Variants in SEC14L5 observed in about 807,000 individuals in gnomAD.
SEC14L5 encodes the protein SEC14 like lipid binding 5, also known as SEC14-like protein 5.
A neutral mutation model predicts 84.6 loss-of-function variants in SEC14L5; 96 were observed. The ratio of observed to expected loss-of-function variants is 1.13; its 90% CI spans 0.96 to 1.34. The LOEUF is 1.34. SEC14L5 is among the 40% of genes most tolerant of loss of function. The probability of loss-of-function intolerance (pLI) is 0.00; values close to 1 mark genes in which losing one functional copy is unlikely to be tolerated. For missense variants in SEC14L5, 1,224 were observed against 942.5 expected (o/e 1.30, Z -3.91); for synonymous variants, 546 against 383.4 (o/e 1.42, Z -4.95).
At chr16:5,002,978 A>C (rs1212646720) in intron 10 of SEC14L5, among the ~76,000 whole-genome samples, 1 of 152,240 alleles carries the variant, frequency 6.6e-6, no homozygotes, top group African/African-American at 2.4e-5. Flanking sequence ...AATAACTCCC[A>C]CACGCTTAGC....
At chr16:4,979,809 CCATCCCCTTCCCTG>C (rs1955397887) in intron 2 of SEC14L5, among the ~76,000 whole-genome samples, 1 of 152,176 alleles carries the variant, frequency 6.6e-6, no homozygotes, top group Admixed American at 6.5e-5. Context: ...CGAGGTCCCT[CCATCCCCTTCCCTG>C]CATCCCCTTC....
chr16:5,003,555 C>T lies in SEC14L5; in HGVS notation c.1284C>T (p.Phe428=). 2 of 1,533,206 alleles carry T rather than the reference C, an allele frequency of 1.3e-6. No individual in the cohort carries two copies. Among genetic ancestry groups the T allele is most frequent in the East Asian group, 2.6e-5 (1 of 39,110 alleles). 95.0% of individuals were successfully genotyped at this position (1,533,206 alleles called of 1,614,324 possible). The part of the protein sequence containing the change: ...RLLIVRAPRV[F]PVLWTLISPF... ...TCATCGTGCGAGCCCCCCGAGTCTT[C>T]CCCGTGCTCTGGACACTGGTAAGAG... is the stretch of plus-strand genomic sequence containing the variant. The change falls in exon 11 of 16, where the codon TTC becomes TTT. Residue 428 remains phenylalanine (F), a synonymous_variant. Coordinates refer to ENST00000251170, the MANE Select transcript of SEC14L5 (RefSeq NM_014692.2).
At chr16:5,001,405 C>A (rs904172679) in intron 10 of SEC14L5, among the ~76,000 whole-genome samples, 1 of 151,950 alleles carries the variant, frequency 6.6e-6, no homozygotes. Flanking sequence ...ACTACAGGCA[C>A]CCGCCACCAC....
intron 2 of SEC14L5, among the ~76,000 whole-genome samples, chr16:4,970,062 A>T (rs1036184779): frequency 2.6e-5 from 4 of 152,066 alleles, no homozygotes; most frequent in Non-Finnish European, 4.4e-5. Context: ...AAGTGAACTG[A>T]CTGCCTCTCA....
intron 15 of SEC14L5, among the ~76,000 whole-genome samples, chr16:5,012,914 A>AAAAC: frequency 6.7e-6 from 1 of 150,180 alleles, no homozygotes; most frequent in East Asian, 1.9e-4. Context: ...GGAAAAAAAA[A>AAAAC]AAACCTACCT....
chr16:5,011,222 C>T lies in SEC14L5; in HGVS notation c.1928C>T (p.Pro643Leu). 6.2e-7 allele frequency: 1 copy of T among 1,613,900 alleles called. No homozygotes were observed. The highest frequency in any genetic ancestry group is 8.5e-7 in the Non-Finnish European group (1 of 1,179,890). The change falls in exon 15 of 16, where the codon CCC becomes CTC. Residue 643 changes from proline (P) to leucine (L), a missense_variant. By Grantham distance (98) the Pro-to-Leu change is moderately conservative. Transcript: ENST00000251170. ...CTGACGGCTCTGCACAGCCCCGGGC[C>T]CAAGTGCAAACTTCTCTACTACTGT... ...DVLTALHSPG[P>L]KCKLLYYCEV...
intron 8 of SEC14L5, among the ~76,000 whole-genome samples, chr16:4,998,749 A>T (rs1255879917): frequency 4.8e-4 from 45 of 93,492 alleles, no homozygotes; most frequent in African/African-American, 1.2e-3. Context: ...AAAAAAAAAA[A>T]AAAAAAAAAA....
chr16:4,991,122 T>C (rs1178656731), intron 5 of SEC14L5, among the ~76,000 whole-genome samples: 1 of 151,292 alleles, frequency 6.6e-6, no homozygotes, highest in South Asian at 2.1e-4. Flanking sequence ...TGTCCAGGCT[T>C]ATGTGGTGAA....
chr16:5,007,907 C>CTTTTT (rs1191230078), intron 13 of SEC14L5, among the ~76,000 whole-genome samples: 2 of 110,102 alleles, frequency 1.8e-5, no homozygotes, highest in Non-Finnish European at 3.6e-5. Context: ...CGCCTGGCCT[C>CTTTTT]TTTTTTTTTT....
At chr16:4,989,327 GTT>G (rs5815223) in intron 4 of SEC14L5, among the ~76,000 whole-genome samples, 71 of 136,468 alleles carry the variant, frequency 5.2e-4, no homozygotes, top group Middle Eastern at 7.8e-3. Flanking sequence ...TGTTTGTTTT[GTT>G]TTTTTTTTTG....
rs564032469 is a variant in SEC14L5 at position 5,010,854 on chromosome 16, C to T, written c.1801-241C>T. 1.1e-4 allele frequency: 54 copies of T among 493,658 alleles called. No individual in the cohort carries two copies. In the East Asian group the frequency reaches 1.5e-3, roughly 14 times the overall value. 30.6% of individuals were successfully genotyped at this position (493,658 alleles called of 1,614,324 possible). A position where few individuals can be genotyped will look rare whatever the true frequency, so the allele number is the denominator to read the frequency against. Reference sequence around the variant, plus strand: ...TGTTGTCCTGAAGTTGCACCCCCACCCCCAGGCGTCAGCTCCTCCCCAGAT... The same window carrying T: ...TGTTGTCCTGAAGTTGCACCCCCACTCCCAGGCGTCAGCTCCTCCCCAGAT... On this transcript the variant is annotated intron_variant, in intron 14 of 15. Coordinates refer to ENST00000251170, the MANE Select transcript of SEC14L5 (RefSeq NM_014692.2).
At chr16:4,987,468 A>G in intron 2 of SEC14L5, 89 bp from the exon 3 acceptor site, 3 of 1,149,630 alleles carry the variant, frequency 2.6e-6, no homozygotes, top group Non-Finnish European at 3.6e-6. Context: ...CCCGTCTGAT[A>G]AGTGACACAG....
intron 2 of SEC14L5, among the ~76,000 whole-genome samples, chr16:4,979,878 C>G (rs1955398667): frequency 1.3e-5 from 2 of 152,184 alleles, no homozygotes; most frequent in Admixed American, 6.5e-5. Flanking sequence ...CCCCACCGGC[C>G]CCATCCTCAG....
intron 8 of SEC14L5, among the ~76,000 whole-genome samples, chr16:4,998,352 G>A (rs1241553659): frequency 6.6e-6 from 1 of 151,860 alleles, no homozygotes; most frequent in Non-Finnish European, 1.5e-5. Context: ...TTTGGGACAC[G>A]ATTCCACCCA....
chr16:4,976,477 A>T (rs1009741110), intron 2 of SEC14L5, among the ~76,000 whole-genome samples: 2 of 152,252 alleles, frequency 1.3e-5, no homozygotes, highest in Non-Finnish European at 2.9e-5. Flanking sequence ...GTATGAAGCA[A>T]TAAAATAGGC....
At chr16:4,979,064 G>A (rs1955386812) in intron 2 of SEC14L5, among the ~76,000 whole-genome samples, 1 of 152,206 alleles carries the variant, frequency 6.6e-6, no homozygotes, top group Non-Finnish European at 1.5e-5. Context: ...GCAGGAAGGG[G>A]ATCTTCAGGC....
intron 8 of SEC14L5, among the ~76,000 whole-genome samples, chr16:4,998,707 C>T (rs1482651608): frequency 2.2e-5 from 3 of 137,386 alleles, no homozygotes; most frequent in Non-Finnish European, 4.6e-5. Flanking sequence ...CACTGCACTC[C>T]AGCCTGGGCG....
chr16:5,010,967 G>T, intron 14 of SEC14L5, 128 bp from the exon 15 acceptor site: 1 of 852,116 alleles, frequency 1.2e-6, no homozygotes. Flanking sequence ...CTGGTGGACT[G>T]GAGAAAGGGA....
intron 6 of SEC14L5, among the ~76,000 whole-genome samples, chr16:4,993,169 A>G (rs1955570382): frequency 6.6e-6 from 1 of 152,118 alleles, no homozygotes; most frequent in African/African-American, 2.4e-5. Flanking sequence ...CAGCTTCCTG[A>G]GTAGCTGGGA....
Sources: allele counts gnomAD v4.1 joint callset (sites outside exome capture counted in the v4.1 genomes callset), GRCh38; gene constraint gnomAD v4.1.1; transcripts MANE v1.5; gene names NCBI Gene and HGNC (gene_info 2026-07-23, HGNC 2026-07-21).